ZMYM2: variants seen among roughly 807,000 people sequenced by gnomAD.
ZMYM2 encodes zinc finger MYM-type containing 2.
ZMYM2 carries 56 observed loss-of-function variants against 162.8 expected under a neutral mutation model. The observed-to-expected ratio is 0.34, with a 90% confidence interval of 0.28 to 0.43. The LOEUF (loss-of-function observed/expected upper bound fraction) is 0.43, where lower values mean the gene tolerates loss of function less well. ZMYM2 is among the 20% of genes least tolerant of loss of function. The pLI is 1.00. For missense variants in ZMYM2, 1,275 were observed against 1,621.8 expected (o/e 0.79, Z 3.67); for synonymous variants, 510 against 541.6 (o/e 0.94, Z 0.81).
At chr13:19,870,460 C>T in the ZMYM2 span, among the ~76,000 whole-genome samples, 1 of 150,762 alleles carries the variant, frequency 6.6e-6, no homozygotes, top group Non-Finnish European at 1.5e-5. Flanking sequence ...TTCTCTTTCT[C>T]TCTTCTTTCC....
At chr13:20,063,891 A>AC (rs1441136899) in intron 18 of ZMYM2, among the ~76,000 whole-genome samples, 1 of 9,254 alleles carries the variant, frequency 1.1e-4, no homozygotes, top group Non-Finnish European at 7.7e-4. Context: ...TATATAATAT[A>AC]AATATAATTT....
At chr13:19,951,973 A>G in the ZMYM2 span, among the ~76,000 whole-genome samples, 1 of 152,284 alleles carries the variant, frequency 6.6e-6, no homozygotes, top group East Asian at 1.9e-4. Context: ...TAGCCAGGAT[A>G]TGGAGTATAT....
At chr13:19,915,816 A>G in the ZMYM2 span, among the ~76,000 whole-genome samples, 1 of 150,360 alleles carries the variant, frequency 6.7e-6, no homozygotes. Flanking sequence ...CTCCAGTTCT[A>G]TTTTCTAATA....
Position 20,085,847 on chromosome 13 carries a change from G to T in ZMYM2, c.3967G>T (p.Asp1323Tyr). Residue 1323 changes from aspartate (D) to tyrosine (Y), a missense_variant, in exon 25 of 25, where the codon GAT (aspartate) becomes TAT (tyrosine). By Grantham distance (160) the Asp-to-Tyr change is radical. Coordinates refer to ENST00000610343, the MANE Select transcript of ZMYM2 (RefSeq NM_197968.4). ...TCCACAGAATCTTAATCAGAGGATG[G>T]ATGTTTTTTATTTGCAACCAGAATG... ...KSPQNLNQRM[D>Y]VFYLQPECSS... is the part of the protein sequence containing the mutation. 6.2e-7 allele frequency: 1 copy of T among 1,610,826 alleles called. No individual in the cohort carries two copies. The highest frequency in any genetic ancestry group is 8.5e-7 in the Non-Finnish European group (1 of 1,178,124).
At chr13:20,077,330 CA>C (rs1470999104) in intron 21 of ZMYM2, among the ~76,000 whole-genome samples, 2 of 150,482 alleles carry the variant, frequency 1.3e-5, no homozygotes, top group Non-Finnish European at 2.9e-5. Context: ...TAATTATCAG[CA>C]TTTTTTTATG....
At chr13:20,060,491 C>T (rs1956146951) in intron 16 of ZMYM2, among the ~76,000 whole-genome samples, 1 of 152,088 alleles carries the variant, frequency 6.6e-6, no homozygotes, top group Non-Finnish European at 1.5e-5. Flanking sequence ...CCAGACTGGC[C>T]AACATGGTGA....
the ZMYM2 span, among the ~76,000 whole-genome samples, chr13:19,906,246 G>T: frequency 2.7e-4 from 38 of 139,024 alleles, 1 homozygote; most frequent in South Asian, 1.8e-3. Flanking sequence ...TTGCACTCCA[G>T]TCTGGGCAAC....
the ZMYM2 span, among the ~76,000 whole-genome samples, chr13:19,874,047 T>C: frequency 1.3e-5 from 2 of 152,168 alleles, no homozygotes; most frequent in Non-Finnish European, 2.9e-5. Flanking sequence ...TGGGTGGAAC[T>C]AGGTGATCTT....
chr13:19,919,064 T>C, the ZMYM2 span, among the ~76,000 whole-genome samples: 1 of 152,108 alleles, frequency 6.6e-6, no homozygotes, highest in Non-Finnish European at 1.5e-5. Flanking sequence ...GTTTTCCACC[T>C]CTATAATTTT....
At chr13:19,982,976 G>T (rs1295933460) in intron 2 of ZMYM2, among the ~76,000 whole-genome samples, 1 of 152,048 alleles carries the variant, frequency 6.6e-6, no homozygotes, top group Non-Finnish European at 1.5e-5. Flanking sequence ...TTGGATGGAA[G>T]CAAAATTTTA....
chr13:19,939,372 T>A, the ZMYM2 span, among the ~76,000 whole-genome samples: 44 of 151,798 alleles, frequency 2.9e-4, no homozygotes, highest in Non-Finnish European at 4.7e-4. Context: ...TATCTAAATT[T>A]AAAAAAAAGT....
intron 21 of ZMYM2, among the ~76,000 whole-genome samples, chr13:20,075,074 G>T (rs1363718827): frequency 1.3e-5 from 2 of 152,176 alleles, no homozygotes; most frequent in East Asian, 3.8e-4. Context: ...CTGAAACTCA[G>T]TGTAAAGATA....
chr13:19,978,379 T>C (rs983055193), intron 2 of ZMYM2, among the ~76,000 whole-genome samples: 2 of 152,120 alleles, frequency 1.3e-5, no homozygotes, highest in East Asian at 3.9e-4. Flanking sequence ...CATCTGTATA[T>C]ATTGTGTGCT....
the ZMYM2 span, among the ~76,000 whole-genome samples, chr13:19,882,678 T>C: frequency 6.6e-6 from 1 of 151,916 alleles, no homozygotes; most frequent in Non-Finnish European, 1.5e-5. Flanking sequence ...GCCCAGTAGG[T>C]CAAAACTGTA....
intron 18 of ZMYM2, among the ~76,000 whole-genome samples, chr13:20,064,062 C>T (rs1016671942): frequency 6.7e-6 from 1 of 150,340 alleles, no homozygotes; most frequent in African/African-American, 2.4e-5. Flanking sequence ...TCATTATTTT[C>T]TTAATCCATG....
At chr13:19,896,781 A>G in the ZMYM2 span, among the ~76,000 whole-genome samples, 2 of 151,022 alleles carry the variant, frequency 1.3e-5, no homozygotes, top group East Asian at 3.9e-4. Flanking sequence ...AAAAGAAAAA[A>G]AAAGAATGGA....
chr13:20,015,032 A>T (rs1305963338), intron 6 of ZMYM2, among the ~76,000 whole-genome samples: 1 of 152,028 alleles, frequency 6.6e-6, no homozygotes, highest in African/African-American at 2.4e-5. Context: ...AAGTGCTGGG[A>T]TTATAGGTGT....
At chr13:19,881,319 T>C in the ZMYM2 span, among the ~76,000 whole-genome samples, 2 of 152,034 alleles carry the variant, frequency 1.3e-5, no homozygotes, top group Non-Finnish European at 2.9e-5. Flanking sequence ...AAAAAAAATA[T>C]CTTCAACAAA....
rs746386044 is a variant in ZMYM2, at chr13:20,051,490, C to T, written c.2350C>T (p.Arg784Cys). 1.2e-6 allele frequency: 2 copies of T among 1,613,338 alleles called. No individual in the cohort carries two copies. The highest frequency in any genetic ancestry group is 1.7e-6 in the Non-Finnish European group (2 of 1,179,550). ...QGTLKERVQW[R>C]GEMKHFCDQH... ...AACTCTTAAAGAGCGAGTTCAGTGGCGTGGGGAAATGAAACATTTCTGTGA... is the reference window on the plus strand; with the variant it reads ...AACTCTTAAAGAGCGAGTTCAGTGGTGTGGGGAAATGAAACATTTCTGTGA... The change falls in exon 13 of 25, where the codon CGT (arginine) becomes TGT (cysteine). Residue 784 changes from arginine (R) to cysteine (C), a missense_variant. By Grantham distance (180) the Arg-to-Cys change is radical. Coordinates refer to ENST00000610343, the MANE Select transcript of ZMYM2 (RefSeq NM_197968.4).
Sources: allele counts gnomAD v4.1 joint callset (sites outside exome capture counted in the v4.1 genomes callset), GRCh38; gene constraint gnomAD v4.1.1; transcripts MANE v1.5; gene names NCBI Gene and HGNC (gene_info 2026-07-23, HGNC 2026-07-21).